The following GALNTL6 variants were observed in gnomAD, a reference collection of about 807,000 sequenced individuals.
GALNTL6 encodes polypeptide N-acetylgalactosaminyltransferase-like 6.
In GALNTL6, 46 loss-of-function variants were observed where a neutral mutation model predicts 73.7. The observed-to-expected ratio is 0.62, with a 90% CI of 0.49 to 0.80. The LOEUF (loss-of-function observed/expected upper bound fraction) is 0.80. Ranked by LOEUF, GALNTL6 falls within the 30% of genes least tolerant of loss-of-function variation. The pLI is 0.00. For synonymous variants in GALNTL6, 259 were observed against 263.7 expected (o/e 0.98, Z 0.17); for missense variants, 604 against 755.0 (o/e 0.80, Z 2.34).
chr4:172,414,767 A>G (rs924306411), intron 5 of GALNTL6, among the ~76,000 whole-genome samples: 7 of 152,196 alleles, frequency 4.6e-5, no homozygotes, highest in East Asian at 1.9e-4. Flanking sequence ...AGATTTAAGT[A>G]GGAAGACTTT....
intron 5 of GALNTL6, among the ~76,000 whole-genome samples, chr4:172,570,940 T>C (rs1372459707): frequency 1.3e-4 from 20 of 151,994 alleles, no homozygotes; most frequent in Admixed American, 1.3e-3. Flanking sequence ...CAGTTCACAG[T>C]AGGGTTTGTG....
At chr4:172,369,091 C>T (rs1742685178) in intron 5 of GALNTL6, among the ~76,000 whole-genome samples, 1 of 152,160 alleles carries the variant, frequency 6.6e-6, no homozygotes. Context: ...ATGTGCCCCC[C>T]CCCACATCCT....
chr4:172,439,509 C>T lies in GALNTL6; in HGVS notation c.553+90820C>T, dbSNP rs116728909. On this transcript the variant is annotated intron_variant, in intron 5 of 12. Transcript: ENST00000506823. ...GGTTCTTCTTCTCCCTAAGGTTTTGCTATTGTCACTCTCCAAGGCTCAGTT... is the reference window on the plus strand; with the variant it reads ...GGTTCTTCTTCTCCCTAAGGTTTTGTTATTGTCACTCTCCAAGGCTCAGTT... 9.4e-4 allele frequency among the ~76,000 whole-genome samples: 142 copies of T among 151,638 alleles called. 1 individual carries two copies. Among genetic ancestry groups the T allele is most frequent in the African/African-American group, 3.3e-3 (135 of 41,372 alleles).
At position 171,850,294 on chromosome 4, in the gene GALNTL6, C is replaced by T. The variant is rs558486711; in HGVS notation, c.138+35576C>T. On this transcript the variant is annotated intron_variant, in intron 2 of 12. Transcript: ENST00000506823. ...TACAGTTGGGCCCTATGCATCAAAACGTAAAGTAGGGACGTGAAGTTACTC... is the reference window on the plus strand; with the variant it reads ...TACAGTTGGGCCCTATGCATCAAAATGTAAAGTAGGGACGTGAAGTTACTC... Among the ~76,000 whole-genome samples, 3 of 152,216 alleles carry T rather than the reference C, an allele frequency of 2.0e-5. No homozygotes were observed. The South Asian group carries it at 6.2e-4, about 32-fold the overall frequency.
At chr4:172,494,447 C>A (rs1734002261) in intron 5 of GALNTL6, among the ~76,000 whole-genome samples, 1 of 152,148 alleles carries the variant, frequency 6.6e-6, no homozygotes, top group Admixed American at 6.6e-5. Context: ...TCCATATGCC[C>A]TCTATTGGTC....
chr4:172,133,449 C>T (rs7664816), intron 2 of GALNTL6, among the ~76,000 whole-genome samples: 60,670 of 152,038 alleles, frequency 0.4, 12,372 homozygotes, highest in Admixed American at 0.42. Flanking sequence ...AGCATCTAAA[C>T]TGAGTGAGGA....
At chr4:172,091,032 G>C (rs2174488) in intron 2 of GALNTL6, among the ~76,000 whole-genome samples, 45,801 of 151,992 alleles carry the variant, frequency 0.3, 7,926 homozygotes, top group South Asian at 0.5. Flanking sequence ...TGAGGCTTCT[G>C]TTCTGTTCCA....
intron 7 of GALNTL6, among the ~76,000 whole-genome samples, chr4:172,875,792 C>T (rs1745166540): frequency 6.7e-6 from 1 of 150,250 alleles, no homozygotes; most frequent in African/African-American, 2.5e-5. Flanking sequence ...ACATTTTTGA[C>T]CACAGAAAAG....
At chr4:172,382,675 A>G (rs1375572689) in intron 5 of GALNTL6, among the ~76,000 whole-genome samples, 2 of 152,152 alleles carry the variant, frequency 1.3e-5, no homozygotes, top group African/African-American at 4.8e-5. Flanking sequence ...GCTTAACAAA[A>G]CGTCATGCAA....
intron 2 of GALNTL6, among the ~76,000 whole-genome samples, chr4:171,948,089 A>C (rs1191373624): frequency 6.6e-6 from 1 of 152,192 alleles, no homozygotes; most frequent in East Asian, 1.9e-4. Context: ...TATACACCAC[A>C]GCAACAAAGA....
chr4:171,989,783 G>A lies in GALNTL6; in HGVS notation c.138+175065G>A, dbSNP rs531877175. On this transcript the variant is annotated intron_variant, in intron 2 of 12. Transcript: ENST00000506823. ...ATAAAATGTATATTGAGAATAAGAC[G>A]GCCTTTTGACCTTTTAAGGTCTAGG... is the stretch of plus-strand genomic sequence containing the variant. Among the ~76,000 whole-genome samples, 7 of 152,248 alleles carry A rather than the reference G, an allele frequency of 4.6e-5. No homozygotes were observed. In the South Asian group the frequency reaches 1.0e-3, roughly 23 times the overall value.
chr4:172,385,460 G>A (rs1466560161), intron 5 of GALNTL6, among the ~76,000 whole-genome samples: 1 of 151,934 alleles, frequency 6.6e-6, no homozygotes, highest in Non-Finnish European at 1.5e-5. Flanking sequence ...ACTTTTTCCT[G>A]TGGTTCACAT....
At chr4:171,848,724 C>T (rs1044655153) in intron 2 of GALNTL6, among the ~76,000 whole-genome samples, 1 of 152,162 alleles carries the variant, frequency 6.6e-6, no homozygotes, top group African/African-American at 2.4e-5. Context: ...CCACAATTTC[C>T]TCACATCTCT....
At chr4:172,852,866 T>G (rs1001208869) in intron 7 of GALNTL6, among the ~76,000 whole-genome samples, 1 of 152,146 alleles carries the variant, frequency 6.6e-6, no homozygotes, top group African/African-American at 2.4e-5. Context: ...CATGGGTGTG[T>G]TATGATAAAC....
intron 2 of GALNTL6, among the ~76,000 whole-genome samples, chr4:172,224,176 G>T (rs753849341): frequency 3.9e-5 from 6 of 152,070 alleles, no homozygotes; most frequent in Non-Finnish European, 8.8e-5. Flanking sequence ...TAAACCAAGG[G>T]CTTTCACATA....
At chr4:172,702,892 T>G (rs1734109391) in intron 5 of GALNTL6, among the ~76,000 whole-genome samples, 1 of 152,024 alleles carries the variant, frequency 6.6e-6, no homozygotes, top group South Asian at 2.1e-4. Context: ...ATTACTCGTA[T>G]AAAGACATGC....
chr4:172,702,254 C>A (rs1297864746), intron 5 of GALNTL6, among the ~76,000 whole-genome samples: 1 of 151,982 alleles, frequency 6.6e-6, no homozygotes, highest in Non-Finnish European at 1.5e-5. Context: ...TTGGAACTTT[C>A]ACTGGAATTT....
chr4:172,716,555 C>T (rs79754572), intron 5 of GALNTL6, among the ~76,000 whole-genome samples: 388 of 152,232 alleles, frequency 2.5e-3, no homozygotes, highest in African/African-American at 4.3e-3. Context: ...ACTCCCATAA[C>T]GCGGCCCATG....
At chr4:172,300,900 T>G (rs1342653665) in intron 3 of GALNTL6, among the ~76,000 whole-genome samples, 3 of 152,170 alleles carry the variant, frequency 2.0e-5, no homozygotes, top group African/African-American at 7.2e-5. Context: ...ATTTCCTGAA[T>G]TTGAATGTTG....
Sources: gnomAD v4.1 joint callset for allele counts (sites outside exome capture counted in the v4.1 genomes callset) on GRCh38, gnomAD v4.1.1 for gene constraint, MANE v1.5 for transcripts, NCBI Gene and HGNC (gene_info 2026-07-23, HGNC 2026-07-21) for gene names.